Variants in CSMD1 observed in about 807,000 individuals in gnomAD.
The protein encoded by CSMD1 is CUB and Sushi multiple domains 1.
CSMD1 carries 213 observed loss-of-function variants against 417.5 expected under a neutral mutation model. That is an observed-to-expected ratio of 0.51 (90% CI 0.46 to 0.57). The LOEUF (loss-of-function observed/expected upper bound fraction) is 0.57, where lower values mean the gene tolerates loss of function less well. Ranked by LOEUF, CSMD1 falls within the 20% of genes least tolerant of loss-of-function variation. The pLI, the probability that CSMD1 is intolerant of heterozygous loss-of-function variation, is 0.00. For synonymous variants in CSMD1, 2,862 were observed against 1,736.8 expected, an observed-to-expected ratio of 1.65 and a Z score of -16.11; for missense variants, 6,923 against 4,529.7, an observed-to-expected ratio of 1.53 and a Z score of -15.17.
chr8:3,458,728 G>C (rs550569830), intron 12 of CSMD1, among the ~76,000 whole-genome samples: 56 of 152,182 alleles, frequency 3.7e-4, no homozygotes, highest in African/African-American at 1.3e-3. Flanking sequence ...TAATATATTT[G>C]GTTTGTAAAT....
Position 3,622,618 on chromosome 8 carries a change from C to G in CSMD1, c.1010-5821G>C, listed in dbSNP as rs114277206. Among the ~76,000 whole-genome samples, 151 of 152,142 alleles carry G rather than the reference C, an allele frequency of 9.9e-4. 1 individual carries two copies. The highest frequency in any genetic ancestry group is 3.6e-3 in the African/African-American group (148 of 41,548). On this transcript the variant is annotated intron_variant, in intron 7 of 69. Coordinates refer to ENST00000635120, the MANE Select transcript of CSMD1 (RefSeq NM_033225.6). ...GAAGGCGCAAAATGATTTAGACAAG[C>G]CTGAATGGATTGCAGATGGTAGAAG...
chr8:3,137,437 G>C (rs186339130), intron 41 of CSMD1, among the ~76,000 whole-genome samples: 92 of 152,324 alleles, frequency 6.0e-4, no homozygotes, highest in African/African-American at 2.2e-3. Context: ...GCACTGGGGA[G>C]CAATTACAGG....
Position 3,460,645 on chromosome 8 carries a change from C to A in CSMD1, c.1561+8067G>T, listed in dbSNP as rs571543765. On this transcript the variant is annotated intron_variant, in intron 12 of 69. Coordinates refer to ENST00000635120, the MANE Select transcript of CSMD1 (RefSeq NM_033225.6). ...GAGGGATGGGATAGAAGGATATTTA[C>A]TAGACGGAACTGACCGAAATTCGTG... 3.4e-4 allele frequency among the ~76,000 whole-genome samples: 52 copies of A among 152,236 alleles called. No homozygotes were observed. In the South Asian group the frequency reaches 0.011, roughly 32 times the overall value.
intron 3 of CSMD1, among the ~76,000 whole-genome samples, chr8:4,089,873 G>T (rs1156715639): frequency 6.6e-6 from 1 of 152,150 alleles, no homozygotes; most frequent in Non-Finnish European, 1.5e-5. Context: ...CCACAGAGAA[G>T]TACCTGCAGA....
chr8:4,830,648 G>T (rs1264092783), intron 1 of CSMD1, among the ~76,000 whole-genome samples: 2 of 152,216 alleles, frequency 1.3e-5, no homozygotes, highest in Non-Finnish European at 2.9e-5. Context: ...TTATTGCTAA[G>T]AGGTCACAGA....
intron 7 of CSMD1, among the ~76,000 whole-genome samples, chr8:3,674,681 C>A (rs1309105154): frequency 1.3e-5 from 2 of 151,960 alleles, no homozygotes; most frequent in African/African-American, 4.8e-5. Flanking sequence ...GCCATATAAC[C>A]AGCAGAGGCA....
chr8:4,677,149 C>T (rs1436701208), intron 1 of CSMD1, among the ~76,000 whole-genome samples: 2 of 147,620 alleles, frequency 1.4e-5, no homozygotes, highest in Admixed American at 6.8e-5. Flanking sequence ...ATAATATATA[C>T]ATTATATCTC....
At chr8:3,163,675 G>A (rs928633639) in intron 37 of CSMD1, among the ~76,000 whole-genome samples, 2 of 151,762 alleles carry the variant, frequency 1.3e-5, no homozygotes, top group Non-Finnish European at 2.9e-5. Context: ...CAAAACCAGC[G>A]GCCACCAAGC....
chr8:3,923,700 A>G (rs937917754), intron 5 of CSMD1, among the ~76,000 whole-genome samples: 2 of 152,160 alleles, frequency 1.3e-5, no homozygotes, highest in East Asian at 3.9e-4. Flanking sequence ...ATGCTGTACA[A>G]TAAATCTCTA....
intron 23 of CSMD1, among the ~76,000 whole-genome samples, chr8:3,316,198 G>C (rs1271734924): frequency 2.6e-5 from 4 of 152,130 alleles, no homozygotes; most frequent in African/African-American, 9.7e-5. Context: ...GTACAAGGTG[G>C]TAAGAACTTA....
intron 37 of CSMD1, among the ~76,000 whole-genome samples, chr8:3,175,789 T>C (rs989691731): frequency 1.2e-4 from 18 of 152,210 alleles, no homozygotes; most frequent in African/African-American, 3.9e-4. Flanking sequence ...ATATTAGTAT[T>C]ATATCTTATG....
chr8:3,959,482 G>C (rs991720400), intron 5 of CSMD1, among the ~76,000 whole-genome samples: 5 of 152,198 alleles, frequency 3.3e-5, no homozygotes, highest in Non-Finnish European at 7.3e-5. Flanking sequence ...CTGGATGACT[G>C]AGCGAGACTC....
chr8:4,032,535 G>A (rs997287506), intron 3 of CSMD1, among the ~76,000 whole-genome samples: 1 of 152,100 alleles, frequency 6.6e-6, no homozygotes, highest in Non-Finnish European at 1.5e-5. Context: ...TTATTTTTAT[G>A]CTTCCACGAC....
At chr8:4,091,389 G>T (rs1256043276) in intron 3 of CSMD1, among the ~76,000 whole-genome samples, 2 of 152,130 alleles carry the variant, frequency 1.3e-5, no homozygotes, top group Non-Finnish European at 2.9e-5. Context: ...TAAAACAAAT[G>T]AATTTTAATG....
intron 2 of CSMD1, among the ~76,000 whole-genome samples, chr8:4,608,145 A>C (rs986862296): frequency 6.6e-6 from 1 of 152,212 alleles, no homozygotes; most frequent in African/African-American, 2.4e-5. Flanking sequence ...AGAGGGAGGC[A>C]TTAGAGGGGA....
chr8:4,026,171 A>G (rs1797055224), intron 4 of CSMD1, among the ~76,000 whole-genome samples: 1 of 152,228 alleles, frequency 6.6e-6, no homozygotes, highest in Non-Finnish European at 1.5e-5. Context: ...ACACATTTAC[A>G]AGAATTAGAT....
chr8:4,973,525 C>A (rs557407686), intron 1 of CSMD1, among the ~76,000 whole-genome samples: 173 of 152,108 alleles, frequency 1.1e-3, no homozygotes, highest in African/African-American at 4.0e-3. Context: ...TCTATAGAAT[C>A]CTACAGTTTA....
chr8:3,896,494 GAATATT>G (rs1260212439), intron 5 of CSMD1, among the ~76,000 whole-genome samples: 3 of 151,884 alleles, frequency 2.0e-5, no homozygotes, highest in Non-Finnish European at 4.4e-5. Flanking sequence ...ATAAGGTCTT[GAATATT>G]ATTACTATTA....
chr8:4,623,752 T>TCCCG (rs1801921336), intron 2 of CSMD1, among the ~76,000 whole-genome samples: 1 of 152,096 alleles, frequency 6.6e-6, no homozygotes, highest in African/African-American at 2.4e-5. Flanking sequence ...TATATATATA[T>TCCCG]TTCATATAAT....
Sources: allele counts gnomAD v4.1 joint callset (sites outside exome capture counted in the v4.1 genomes callset), GRCh38; gene constraint gnomAD v4.1.1; transcripts MANE v1.5; gene names NCBI Gene and HGNC (gene_info 2026-07-23, HGNC 2026-07-21).